MYH11: variants seen among roughly 807,000 people sequenced by gnomAD.
MYH11 encodes the protein myosin heavy chain 11, also known as myosin-11.
In MYH11, 80 loss-of-function variants were observed where a neutral mutation model predicts 246.6. That is an observed-to-expected ratio of 0.32 (90% CI 0.27 to 0.39). MYH11 has a LOEUF of 0.39. Ranked by LOEUF, MYH11 falls within the 10% of genes least tolerant of loss-of-function variation. The pLI, the probability that MYH11 is intolerant of heterozygous loss-of-function variation, is 1.00. For synonymous variants in MYH11, 1,071 were observed against 1,015.5 expected, an observed-to-expected ratio of 1.05 and a Z score of -1.04; for missense variants, 2,158 against 2,546.8, an observed-to-expected ratio of 0.85 and a Z score of 3.29.
chr16:15,755,428 C>T lies in MYH11; in HGVS notation c.1749+913G>A, dbSNP rs75357883. Among the ~76,000 whole-genome samples the T allele has an allele frequency of 9.1e-3, 1,388 of 152,198 alleles. 26 individuals carry two copies. Among genetic ancestry groups the T allele is most frequent in the African/African-American group, 0.033 (1,349 of 41,494 alleles). ...AGCCAGGTGTGGATGTATTAGTCACCCCATTCCAGTTGGCCCCGCCTGTTG... is the reference window on the plus strand; with the variant it reads ...AGCCAGGTGTGGATGTATTAGTCACTCCATTCCAGTTGGCCCCGCCTGTTG... On this transcript the variant is annotated intron_variant, in intron 14 of 40. Transcript: ENST00000300036.
intron 3 of MYH11, among the ~76,000 whole-genome samples, chr16:15,822,294 C>T (rs1395085008): frequency 6.6e-6 from 1 of 152,134 alleles, no homozygotes; most frequent in African/African-American, 2.4e-5. Context: ...GTACTCTTCG[C>T]CTGACCTGGT....
At chr16:15,742,632 G>C (rs1292442783) in intron 20 of MYH11, among the ~76,000 whole-genome samples, 2 of 151,970 alleles carry the variant, frequency 1.3e-5, no homozygotes, top group Non-Finnish European at 2.9e-5. Flanking sequence ...TGAGGGGTCT[G>C]AGGCAGGAAG....
At chr16:15,706,915 T>C (rs189680275) in intron 40 of MYH11, among the ~76,000 whole-genome samples, 1 of 152,244 alleles carries the variant, frequency 6.6e-6, no homozygotes, top group Non-Finnish European at 1.5e-5. Context: ...AGATACTCTG[T>C]TTTGGCTGAA....
At chr16:15,711,050 GCTGTACTTTGGGAGCCTAGGC>G (rs1190154006) in intron 40 of MYH11, 1 of 152,264 alleles carries the variant, frequency 6.6e-6, no homozygotes, top group Non-Finnish European at 1.5e-5. Context: ...CCAGGCCCCT[GCTGTACTTTGGGAGCCTAGGC>G]CTGGTTTCTC....
chr16:15,799,054 C>A (rs956212446), intron 3 of MYH11, among the ~76,000 whole-genome samples: 11 of 152,220 alleles, frequency 7.2e-5, no homozygotes, highest in Non-Finnish European at 1.5e-4. Flanking sequence ...AGCCACTTCT[C>A]CGCTCTGTGG....
At chr16:15,758,163 A>C (rs1228395212) in intron 12 of MYH11, among the ~76,000 whole-genome samples, 163 bp from the exon 13 acceptor site, 1 of 152,156 alleles carries the variant, frequency 6.6e-6, no homozygotes, top group Non-Finnish European at 1.5e-5. Flanking sequence ...CATGCTGCCT[A>C]GAGTCCACCA....
At chr16:15,718,088 C>T (rs112757995) in intron 37 of MYH11, 1,297 of 669,988 alleles carry the variant, frequency 1.9e-3, no homozygotes, top group Non-Finnish European at 2.4e-3. Flanking sequence ...CCAGCCACGC[C>T]GTGGCTGGAA....
chr16:15,823,150 C>T lies in MYH11; in HGVS notation c.502+105G>A, dbSNP rs187046704. 42 of 1,487,616 alleles carry T rather than the reference C, an allele frequency of 2.8e-5. No individual in the cohort carries two copies. The African/African-American group carries it at 3.0e-4, about 11-fold the overall frequency. The allele number at this position is 1,487,616 out of a possible 1,614,324, so 92.2% of individuals were successfully genotyped here. ...TTTTTCAGCCACAGTAACTCCTGGTCCCTCGCAGTGCCTGCCAAACTCCAC... is the reference window on the plus strand; with the variant it reads ...TTTTTCAGCCACAGTAACTCCTGGTTCCTCGCAGTGCCTGCCAAACTCCAC... On this transcript the variant is annotated intron_variant, in intron 3 of 40. Transcript: ENST00000300036.
Position 15,729,759 on chromosome 16 carries a change from C to T in MYH11, c.3652-2705G>A, listed in dbSNP as rs549330321. 2.0e-5 allele frequency among the ~76,000 whole-genome samples: 3 copies of T among 152,216 alleles called. No homozygotes were observed. The South Asian group carries it at 6.2e-4, about 32-fold the overall frequency. On this transcript the variant is annotated intron_variant, in intron 27 of 40. Coordinates refer to ENST00000300036, the MANE Select transcript of MYH11 (RefSeq NM_002474.3). The stretch of plus-strand genomic sequence containing the variant: ...AGAGACGGGGTTTTGCCATGTTGGC[C>T]AGACTGGTCTCAAACTCCTGACCTC...
Position 15,719,617 on chromosome 16 carries a change from T to G in MYH11, c.5050A>C (p.Ser1684Arg). Residue 1684 changes from serine (S) to arginine (R), a missense_variant, in exon 35 of 41, where the codon AGC becomes CGC. Transcript: ENST00000300036. Reference sequence around the variant, plus strand: ...AGCTGCATGAGGTCTGCTTCCAAGCTCTTGGCTTTCTTCTCATTCTCTTTG... The same window carrying G: ...AGCTGCATGAGGTCTGCTTCCAAGCGCTTGGCTTTCTTCTCATTCTCTTTG... Reference protein sequence around the residue: ...TAKENEKKAKSLEADLMQLQE... With the variant: ...TAKENEKKAKRLEADLMQLQE... The G allele has an allele frequency of 6.2e-7, 1 of 1,614,172 alleles. No homozygotes were observed. The highest frequency in any genetic ancestry group is 8.5e-7 in the Non-Finnish European group (1 of 1,180,036).
At chr16:15,719,809 T>C in intron 34 of MYH11, 96 bp from the exon 35 acceptor site, 1 of 1,545,070 alleles carries the variant, frequency 6.5e-7, no homozygotes, top group Non-Finnish European at 8.9e-7. Flanking sequence ...TTGGATTTTC[T>C]GCAGTTGACC....
At chr16:15,813,219 G>T (rs930645849) in intron 3 of MYH11, among the ~76,000 whole-genome samples, 6 of 151,860 alleles carry the variant, frequency 4.0e-5, no homozygotes, top group African/African-American at 1.5e-4. Flanking sequence ...TGAGCATGGT[G>T]GTACATCTCT....
At chr16:15,715,543 C>T (rs1314960029) in intron 38 of MYH11, among the ~76,000 whole-genome samples, 1 of 152,118 alleles carries the variant, frequency 6.6e-6, no homozygotes, top group African/African-American at 2.4e-5. Context: ...ATCAAGTGTC[C>T]AGAATAGATA....
chr16:15,719,288 C>A lies in MYH11; in HGVS notation c.5103G>T (p.Arg1701Ser), dbSNP rs777827294. The A allele has an allele frequency of 6.2e-6, 10 of 1,612,296 alleles. No individual in the cohort carries two copies. Among genetic ancestry groups the A allele is most frequent in the Middle Eastern group, 1.6e-4 (1 of 6,084 alleles). ...QLQEDLAAAE[R>S]ARKQADLEKE... ...TCTCGAGGTCCGCTTGTTTGCGAGCCCTCTCAGCGGCGGCGAGGTCCTAGG... is the reference window on the plus strand; with the variant it reads ...TCTCGAGGTCCGCTTGTTTGCGAGCACTCTCAGCGGCGGCGAGGTCCTAGG... The change falls in exon 36 of 41, where the codon AGG becomes AGT. Residue 1701 changes from arginine to serine, a missense_variant. Coordinates refer to ENST00000300036, the MANE Select transcript of MYH11 (RefSeq NM_002474.3).
chr16:15,719,333 T>C, intron 35 of MYH11, 25 bp from the exon 36 acceptor site: 2 of 1,606,846 alleles, frequency 1.2e-6, no homozygotes, highest in South Asian at 1.1e-5. Flanking sequence ...GGAAGGCTGT[T>C]GTCTGCCAGG....
At chr16:15,828,877 A>G (rs894578619) in intron 2 of MYH11, among the ~76,000 whole-genome samples, 9 of 151,330 alleles carry the variant, frequency 5.9e-5, no homozygotes, top group Non-Finnish European at 1.3e-4. Context: ...AAAAGAATAA[A>G]AGGAATTTTT....
At chr16:15,797,379 T>C (rs969903809) in intron 4 of MYH11, among the ~76,000 whole-genome samples, 1 of 152,054 alleles carries the variant, frequency 6.6e-6, no homozygotes, top group Non-Finnish European at 1.5e-5. Flanking sequence ...CATATGCTGG[T>C]TTGCCCCTGT....
chr16:15,735,325 G>A, intron 26 of MYH11, 41 bp downstream of exon 26: 4 of 1,582,784 alleles, frequency 2.5e-6, no homozygotes, highest in Non-Finnish European at 3.5e-6. Flanking sequence ...TCCCATTGGT[G>A]CAGTGGGATA....
At chr16:15,823,160 G>A in intron 3 of MYH11, 95 bp downstream of exon 3, 1 of 1,543,578 alleles carries the variant, frequency 6.5e-7, no homozygotes, top group Non-Finnish European at 8.9e-7. Context: ...CCCTCGCAGT[G>A]CCTGCCAAAC....
Sources: allele counts gnomAD v4.1 joint callset (sites outside exome capture counted in the v4.1 genomes callset), GRCh38; gene constraint gnomAD v4.1.1; transcripts MANE v1.5; gene names NCBI Gene and HGNC (gene_info 2026-07-23, HGNC 2026-07-21).